The following EYS variants were observed in gnomAD, a reference collection of about 807,000 sequenced individuals.
EYS encodes the protein protein eyes shut homolog.
In EYS, 250 loss-of-function variants were observed where a neutral mutation model predicts 282.1. The ratio of observed to expected loss-of-function variants is 0.89; its 90% CI spans 0.80 to 0.98. The LOEUF (loss-of-function observed/expected upper bound fraction) is 0.98, where lower values mean the gene tolerates loss of function less well. EYS is among the 50% of genes least tolerant of loss of function. The pLI is 0.00. For missense variants in EYS, 4,016 were observed against 3,709.0 expected (o/e 1.08, Z -2.15); for synonymous variants, 1,355 against 1,282.9 (o/e 1.06, Z -1.20).
At chr6:64,710,147 T>G (rs1771158453) in intron 22 of EYS, among the ~76,000 whole-genome samples, 1 of 152,240 alleles carries the variant, frequency 6.6e-6, no homozygotes. Context: ...AAATTCTCAT[T>G]GTATAAATGA....
intron 29 of EYS, among the ~76,000 whole-genome samples, chr6:64,383,247 GC>G (rs1455670535): frequency 2.0e-5 from 3 of 152,228 alleles, no homozygotes; most frequent in Non-Finnish European, 4.4e-5. Flanking sequence ...GCTGCAGTGA[GC>G]CAAGATTGCA....
intron 32 of EYS, 73 bp downstream of exon 32, chr6:64,081,782 TA>T: frequency 8.3e-7 from 1 of 1,209,166 alleles, no homozygotes; most frequent in Non-Finnish European, 1.1e-6. Context: ...TTTAAATGAA[TA>T]AATCATTGAT....
Position 64,017,776 on chromosome 6 carries a change from T to C in EYS, c.6726-18593A>G, listed in dbSNP as rs572245265. Among the ~76,000 whole-genome samples the C allele has an allele frequency of 5.9e-5, 9 of 152,302 alleles. No homozygotes were observed. The East Asian group carries it at 1.7e-3, about 29-fold the overall frequency. On this transcript the variant is annotated intron_variant, in intron 33 of 42. Transcript: ENST00000503581. ...CATTAATATGAAGTGGTGAGAACAG[T>C]CAATATGCTCGTAATGATAGACCCA...
intron 1 of EYS, among the ~76,000 whole-genome samples, chr6:65,668,296 C>T (rs1768268102): frequency 6.6e-6 from 1 of 151,772 alleles, no homozygotes; most frequent in African/African-American, 2.4e-5. Flanking sequence ...AAGTGAAAGC[C>T]TGACTGTTTT....
chr6:65,357,854 A>G (rs1044601429), intron 8 of EYS, among the ~76,000 whole-genome samples: 2 of 144,928 alleles, frequency 1.4e-5, no homozygotes, highest in South Asian at 4.3e-4. Flanking sequence ...ATTGCTTGCT[A>G]AAACACTATT....
intron 31 of EYS, among the ~76,000 whole-genome samples, chr6:64,089,728 T>G (rs1249556245): frequency 2.0e-5 from 3 of 152,060 alleles, no homozygotes; most frequent in Non-Finnish European, 4.4e-5. Context: ...AATTTACTAC[T>G]CTCTTGTTGC....
chr6:64,848,306 A>C, intron 19 of EYS, among the ~76,000 whole-genome samples: 1 of 152,160 alleles, frequency 6.6e-6, no homozygotes, highest in South Asian at 2.1e-4. Context: ...AATTTCTAAT[A>C]ACAAGATTAT....
intron 22 of EYS, among the ~76,000 whole-genome samples, chr6:64,727,276 G>A (rs1019440565): frequency 6.6e-6 from 1 of 151,196 alleles, no homozygotes; most frequent in Non-Finnish European, 1.5e-5. Flanking sequence ...TCTGCATTGC[G>A]TAATTATGCT....
chr6:65,267,443 G>A (rs576483858), intron 12 of EYS, among the ~76,000 whole-genome samples: 2 of 151,790 alleles, frequency 1.3e-5, no homozygotes, highest in South Asian at 2.1e-4. Flanking sequence ...TATTTAATTC[G>A]TCATAGTACA....
intron 36 of EYS, among the ~76,000 whole-genome samples, chr6:63,830,106 T>A (rs966164031): frequency 2.6e-4 from 39 of 152,138 alleles, no homozygotes; most frequent in African/African-American, 9.4e-4. Context: ...ACCACAAAGA[T>A]GGGGAGAAAC....
At chr6:64,579,534 C>T (rs1331671142) in intron 26 of EYS, among the ~76,000 whole-genome samples, 1 of 152,016 alleles carries the variant, frequency 6.6e-6, no homozygotes, top group Non-Finnish European at 1.5e-5. Context: ...AATTTTTGTC[C>T]TCATTTCAAT....
At chr6:65,215,219 G>A (rs879129094) in intron 12 of EYS, among the ~76,000 whole-genome samples, 2 of 152,114 alleles carry the variant, frequency 1.3e-5, no homozygotes, top group Non-Finnish European at 2.9e-5. Flanking sequence ...ATTCTGGAAA[G>A]GATTCACCAT....
In EYS at chr6:65,584,607, G is replaced by A. The variant is rs186148193; in HGVS notation, c.-333+55171C>T. 3.6e-3 allele frequency among the ~76,000 whole-genome samples: 542 copies of A among 151,834 alleles called. 3 individuals are homozygous for A. Among genetic ancestry groups the A allele is most frequent in the Non-Finnish European group, 3.9e-3 (263 of 67,882 alleles). On this transcript the variant is annotated intron_variant, in intron 2 of 42. Transcript: ENST00000503581. Reference sequence around the variant, plus strand: ...AATGTTCTATAAAATACCTTCAAACGAATCATTTTTCTTTGAAAATACTAC... The same window carrying A: ...AATGTTCTATAAAATACCTTCAAACAAATCATTTTTCTTTGAAAATACTAC...
intron 22 of EYS, among the ~76,000 whole-genome samples, chr6:64,761,485 T>C (rs1773155684): frequency 1.3e-5 from 2 of 152,318 alleles, no homozygotes; most frequent in South Asian, 4.1e-4. Flanking sequence ...AGTATTATTT[T>C]ATTTATTTAT....
chr6:64,686,838 CGTGTATATATATATAT>C (rs1770146213), intron 22 of EYS, among the ~76,000 whole-genome samples: 1 of 14,160 alleles, frequency 7.1e-5, no homozygotes, highest in Non-Finnish European at 2.9e-4. Context: ...TATATATATA[CGTGTATATATATATAT>C]GTGTATATAT....
At chr6:64,424,697 C>T (rs1200011609) in intron 28 of EYS, among the ~76,000 whole-genome samples, 2 of 152,172 alleles carry the variant, frequency 1.3e-5, no homozygotes, top group Non-Finnish European at 2.9e-5. Context: ...CATTATTTAA[C>T]ATTTATTTAT....
At chr6:64,481,206 A>T (rs1165581254) in intron 26 of EYS, among the ~76,000 whole-genome samples, 1 of 149,674 alleles carries the variant, frequency 6.7e-6, no homozygotes, top group Non-Finnish European at 1.5e-5. Context: ...TATATATGAT[A>T]TATATATGAT....
chr6:64,024,031 C>T (rs1298291984), intron 33 of EYS, among the ~76,000 whole-genome samples: 1 of 152,206 alleles, frequency 6.6e-6, no homozygotes. Context: ...TCTCTGTGGG[C>T]TCCTGTGCTG....
chr6:64,946,047 C>T (rs1769280014), intron 14 of EYS, 133 bp from the exon 15 acceptor site: 2 of 619,760 alleles, frequency 3.2e-6, no homozygotes, highest in African/African-American at 3.7e-5. Context: ...GCCAATACTC[C>T]CCCCAAATGA....
Sources: allele counts gnomAD v4.1 joint callset (sites outside exome capture counted in the v4.1 genomes callset), GRCh38; gene constraint gnomAD v4.1.1; transcripts MANE v1.5; gene names NCBI Gene and HGNC (gene_info 2026-07-23, HGNC 2026-07-21).